CUX2: variants seen among roughly 807,000 people sequenced by gnomAD.
CUX2 encodes cut like homeobox 2.
A neutral mutation model predicts 144.8 loss-of-function variants in CUX2; 40 were observed. The ratio of observed to expected loss-of-function variants is 0.28; its 90% CI spans 0.21 to 0.36. The LOEUF (loss-of-function observed/expected upper bound fraction) is 0.36. Among genes scored for constraint, CUX2 ranks in the 10% least tolerant of loss-of-function variants. CUX2 has a pLI of 1.00. For missense variants in CUX2, 1,615 were observed against 1,994.0 expected (o/e 0.81, Z 3.62); for synonymous variants, 827 against 875.6 (o/e 0.94, Z 0.98).
At chr12:111,282,624 C>A (rs149591545) in intron 4 of CUX2, among the ~76,000 whole-genome samples, 2 of 93,014 alleles carry the variant, frequency 2.2e-5, no homozygotes, top group Admixed American at 1.1e-4. Flanking sequence ...GAAACTCCAT[C>A]TAAAAAAAAA....
intron 1 of CUX2, among the ~76,000 whole-genome samples, chr12:111,096,625 T>TCCCTC (rs1218511491): frequency 1.3e-5 from 2 of 152,124 alleles, no homozygotes; most frequent in Non-Finnish European, 2.9e-5. Flanking sequence ...GCCTCCTCTT[T>TCCCTC]CCCTCCAGAA....
intron 1 of CUX2, among the ~76,000 whole-genome samples, chr12:111,096,487 T>A (rs1281325437): frequency 2.0e-5 from 3 of 152,140 alleles, no homozygotes; most frequent in African/African-American, 7.2e-5. Flanking sequence ...TTACACCCAT[T>A]TTCCAGAAGA....
chr12:111,134,616 C>CTGTGTGTGTGTGTGTGTGTGTG (rs1191021541), intron 1 of CUX2, among the ~76,000 whole-genome samples: 9 of 145,228 alleles, frequency 6.2e-5, no homozygotes, highest in African/African-American at 2.5e-4. Flanking sequence ...CTCTCTCTCT[C>CTGTGTGTGTGTGTGTGTGTGTG]TCTCTGTGTG....
chr12:111,313,863 A>G (rs953023237), intron 16 of CUX2, among the ~76,000 whole-genome samples: 3 of 152,084 alleles, frequency 2.0e-5, no homozygotes, highest in African/African-American at 4.8e-5. Flanking sequence ...ACCGAGTTCC[A>G]TCCTCACACC....
intron 1 of CUX2, among the ~76,000 whole-genome samples, chr12:111,163,873 A>T (rs1237729258): frequency 6.6e-6 from 1 of 152,128 alleles, no homozygotes; most frequent in Non-Finnish European, 1.5e-5. Flanking sequence ...TTAGTCCCCA[A>T]CATAGAACCA....
chr12:111,147,245 T>C (rs1876740725), intron 1 of CUX2, among the ~76,000 whole-genome samples: 1 of 152,252 alleles, frequency 6.6e-6, no homozygotes, highest in Non-Finnish European at 1.5e-5. Context: ...TTTTGGTAGA[T>C]GCTAACAAAG....
rs376989087 is a variant in CUX2, at chr12:111,035,030, C to G, written c.63+790C>G. Among the ~76,000 whole-genome samples, 3 of 152,200 alleles carry G rather than the reference C, an allele frequency of 2.0e-5. No individual in the cohort carries two copies. The East Asian group carries it at 5.8e-4, about 29-fold the overall frequency. On this transcript the variant is annotated intron_variant, in intron 1 of 21. Transcript: ENST00000261726. The surrounding 1 kb of genome is among the most constrained non-coding windows in gnomAD (Gnocchi z 6.0). Reference sequence around the variant, plus strand: ...TGCAGACGGGCGGTGGAGGTGGGCCCGGGCGCTCGCAAGTTTGCGCTCCTG... The same window carrying G: ...TGCAGACGGGCGGTGGAGGTGGGCCGGGGCGCTCGCAAGTTTGCGCTCCTG...
At chr12:111,045,236 C>G (rs1711023257) in intron 1 of CUX2, among the ~76,000 whole-genome samples, 1 of 152,160 alleles carries the variant, frequency 6.6e-6, no homozygotes, top group Non-Finnish European at 1.5e-5. Context: ...GCAGGGACCC[C>G]TCGTTTATAA....
intron 1 of CUX2, among the ~76,000 whole-genome samples, chr12:111,066,286 A>T (rs1333121038): frequency 6.6e-6 from 1 of 152,178 alleles, no homozygotes; most frequent in East Asian, 1.9e-4. Context: ...ATGCTGGTAT[A>T]CCTTATCCAG....
Position 111,347,678 on chromosome 12 carries a change from G to A in CUX2, c.3814G>A (p.Val1272Met), listed in dbSNP as rs775976563. 37 of 1,362,670 alleles carry A rather than the reference G, an allele frequency of 2.7e-5. No individual in the cohort carries two copies. The highest frequency in any genetic ancestry group is 4.5e-5 in the South Asian group (4 of 87,966). The allele number at this position is 1,362,670 out of a possible 1,614,324, so 84.4% of individuals were successfully genotyped here. Residue 1272 changes from valine to methionine, a missense_variant, in exon 22 of 22, where the codon GTG becomes ATG. Physicochemically the swap from Val to Met is conservative, Grantham distance 21. Around this residue, in one of 12 missense-constraint regions of CUX2, gnomAD observed 298 missense variants for 330.4 expected, o/e 0.90. Coordinates refer to ENST00000261726, the MANE Select transcript of CUX2 (RefSeq NM_015267.4). ...DSETEDQKPT[V>M]KELELQEGPE... ...TGAGACTGAGGACCAGAAGCCAACC[G>A]TGAAGGAACTGGAGCTTCAGGAGGG...
intron 1 of CUX2, among the ~76,000 whole-genome samples, chr12:111,201,652 G>C (rs9783423): frequency 0.33 from 49,924 of 152,020 alleles, 12,221 homozygotes; most frequent in East Asian, 0.72. Flanking sequence ...CTTAATAAAT[G>C]CTTCCCTACC....
intron 1 of CUX2, among the ~76,000 whole-genome samples, chr12:111,182,045 G>T (rs141433605): frequency 2.6e-5 from 4 of 152,234 alleles, no homozygotes; most frequent in East Asian, 3.9e-4. Flanking sequence ...ACAGGGAGGT[G>T]GGGGGACATT....
At chr12:111,142,841 G>A (rs566021533) in intron 1 of CUX2, among the ~76,000 whole-genome samples, 1 of 152,232 alleles carries the variant, frequency 6.6e-6, no homozygotes, top group East Asian at 1.9e-4. Context: ...GCTGCTGTGG[G>A]GAGCTGCAGC....
Position 111,320,364 on chromosome 12 carries a change from C to G in CUX2, c.2355C>G (p.Phe785Leu). 1 of 1,598,106 alleles carries G rather than the reference C, an allele frequency of 6.3e-7. No homozygotes were observed. Among genetic ancestry groups the G allele is most frequent in the Non-Finnish European group, 8.5e-7 (1 of 1,179,156 alleles). Residue 785 changes from phenylalanine to leucine, a missense_variant, in exon 17 of 22, where the codon TTC (phenylalanine) becomes TTG (leucine). Around this residue, in one of 12 missense-constraint regions of CUX2, gnomAD observed 390 missense variants for 387.1 expected, o/e 1.01. Transcript: ENST00000261726. The surrounding 1 kb of genome is among the most constrained non-coding windows in gnomAD (Gnocchi z 8.1). ...VKSEIGDAGY[F>L]DHHWASDRGL... ...CCGAGATCGGCGACGCCGGCTACTT[C>G]GACCACCACTGGGCCTCCGACCGCG...
intron 18 of CUX2, 40 bp from the exon 19 acceptor site, chr12:111,334,401 A>G: frequency 2.0e-6 from 3 of 1,535,472 alleles, no homozygotes; most frequent in Non-Finnish European, 2.6e-6. Flanking sequence ...TGTCTGTGCC[A>G]GATTATAGTA....
intron 1 of CUX2, among the ~76,000 whole-genome samples, chr12:111,157,313 AG>A (rs909713077): frequency 6.6e-6 from 1 of 150,970 alleles, no homozygotes; most frequent in African/African-American, 2.4e-5. Context: ...ACTATGTGCC[AG>A]GCACTAGTTG....
At chr12:111,236,327 C>G (rs1882742732) in intron 3 of CUX2, among the ~76,000 whole-genome samples, 1 of 152,156 alleles carries the variant, frequency 6.6e-6, no homozygotes, top group South Asian at 2.1e-4. Context: ...TCTCCTGGGT[C>G]TCAGTATATA....
intron 1 of CUX2, among the ~76,000 whole-genome samples, chr12:111,136,182 G>A (rs908146439): frequency 2.6e-5 from 4 of 151,892 alleles, no homozygotes; most frequent in East Asian, 1.9e-4. Context: ...CAGGAACATC[G>A]CGTGTTCCTG....
intron 20 of CUX2, among the ~76,000 whole-genome samples, chr12:111,341,143 G>T (rs1042084492): frequency 6.6e-6 from 1 of 152,208 alleles, no homozygotes; most frequent in African/African-American, 2.4e-5. Context: ...TCTACAAAAC[G>T]ATGAACCAGG....
Sources: gnomAD v4.1 joint callset for allele counts (sites outside exome capture counted in the v4.1 genomes callset) on GRCh38, gnomAD v4.1.1 for gene constraint, gnomAD v4.1.1 regional missense constraint, Gnocchi (gnomAD v3.1) non-coding constraint, MANE v1.5 for transcripts, NCBI Gene and HGNC (gene_info 2026-07-23, HGNC 2026-07-21) for gene names.